The following CDH11 variants were observed in gnomAD, a reference collection of about 807,000 sequenced individuals.
The protein encoded by CDH11 is cadherin 11.
Under a neutral mutation model 67.8 loss-of-function variants are expected in CDH11, and 11 were observed. The observed-to-expected ratio is 0.16, with a 90% confidence interval of 0.10 to 0.27. The LOEUF (loss-of-function observed/expected upper bound fraction) is 0.27, where lower values mean the gene tolerates loss of function less well. Among genes scored for constraint, CDH11 ranks in the 10% least tolerant of loss-of-function variants. The pLI, the probability that CDH11 is intolerant of heterozygous loss-of-function variation, is 1.00. For synonymous variants in CDH11, 419 were observed against 400.0 expected, an observed-to-expected ratio of 1.05 and a Z score of -0.57; for missense variants, 847 against 1,031.2, an observed-to-expected ratio of 0.82 and a Z score of 2.45.
intron 8 of CDH11, among the ~76,000 whole-genome samples, chr16:64,973,456 G>A (rs1466151739): frequency 1.3e-5 from 2 of 152,134 alleles, no homozygotes; most frequent in Non-Finnish European, 2.9e-5. Flanking sequence ...ATCCGTTCAA[G>A]TGTATTTAAA....
At chr16:64,978,837 TAAAAAATGTGTAAA>T (rs2072249819) in intron 8 of CDH11, among the ~76,000 whole-genome samples, 2 of 152,108 alleles carry the variant, frequency 1.3e-5, no homozygotes, top group Non-Finnish European at 2.9e-5. Context: ...AGTTTATTTT[TAAAAAATGTGTAAA>T]TCATTCATGA....
At chr16:65,088,274 CTGT>C (rs2074736379) in intron 1 of CDH11, among the ~76,000 whole-genome samples, 1 of 152,166 alleles carries the variant, frequency 6.6e-6, no homozygotes, top group Non-Finnish European at 1.5e-5. Flanking sequence ...AATACATTTT[CTGT>C]TGTTTATAAA....
chr16:65,088,393 G>A (rs1384622444), intron 1 of CDH11, among the ~76,000 whole-genome samples: 1 of 152,128 alleles, frequency 6.6e-6, no homozygotes, highest in Non-Finnish European at 1.5e-5. Context: ...TAGTTGTCAT[G>A]CTAAAATGCT....
intron 2 of CDH11, among the ~76,000 whole-genome samples, chr16:65,049,496 C>T (rs909767849): frequency 5.3e-5 from 8 of 152,058 alleles, no homozygotes; most frequent in Admixed American, 1.3e-4. Context: ...GTCTTGGTGA[C>T]GTCAAACAAG....
Position 65,114,612 on chromosome 16 carries a change from G to A in CDH11, c.-298+7268C>T, listed in dbSNP as rs7206832. Among the ~76,000 whole-genome samples the A allele has an allele frequency of 9.2e-3, 1,396 of 152,124 alleles. 20 individuals are homozygous for A. The highest frequency in any genetic ancestry group is 0.028 in the African/African-American group (1,159 of 41,484). On this transcript the variant is annotated intron_variant, in intron 1 of 12. Coordinates refer to ENST00000268603, the MANE Select transcript of CDH11 (RefSeq NM_001797.4). ...TGTCTCTCTCTCCTTCCTTTTCCCC[G>A]GCAAACACAGACAGATATTCCCTTT...
chr16:64,957,191 A>G (rs941295772), intron 11 of CDH11, among the ~76,000 whole-genome samples: 4 of 151,940 alleles, frequency 2.6e-5, no homozygotes, highest in Admixed American at 1.3e-4. Flanking sequence ...TTCCTTACCA[A>G]TCCTTTTCCT....
chr16:64,999,434 C>T (rs1377512211), intron 3 of CDH11, among the ~76,000 whole-genome samples: 1 of 152,214 alleles, frequency 6.6e-6, no homozygotes, highest in Non-Finnish European at 1.5e-5. Context: ...TCATCCTTTT[C>T]CTCTAACAAT....
chr16:64,948,324 T>G (rs2142364463), intron 12 of CDH11, among the ~76,000 whole-genome samples: 1 of 152,264 alleles, frequency 6.6e-6, no homozygotes, highest in South Asian at 2.1e-4. Context: ...ACCCAACAAC[T>G]TGGCAGGTTG....
Position 64,982,063 on chromosome 16 carries a change from G to A in CDH11, c.1238C>T (p.Ala413Val). The A allele has an allele frequency of 1.2e-5, 19 of 1,612,624 alleles. No homozygotes were observed. Among genetic ancestry groups the A allele is most frequent in the Non-Finnish European group, 1.4e-5 (17 of 1,179,174 alleles). ...CCGTCTGTACCTTATCGGGCTGTTG[G>A]CAGCATCAGGGTCTTTGGCATGCAC... ...GRVHAKDPDA[A>V]NSPIRYSIDR... Residue 413 changes from alanine (A) to valine (V), a missense_variant, in exon 8 of 13, where the codon GCC (alanine) becomes GTC (valine). Physicochemically the swap from Ala to Val is moderately conservative, Grantham distance 64 (BLOSUM62 0). Transcript: ENST00000268603.
intron 1 of CDH11, among the ~76,000 whole-genome samples, chr16:65,106,224 T>C (rs2075063424): frequency 6.6e-6 from 1 of 152,218 alleles, no homozygotes; most frequent in South Asian, 2.1e-4. Context: ...AATCCTCTTA[T>C]TCTACCAAAG....
rs1247428216 is a variant in CDH11, at chr16:64,946,574, A to C, written c.*1029T>G. 2.4e-5 allele frequency: 25 copies of C among 1,033,986 alleles called. No homozygotes were observed. Among genetic ancestry groups the C allele is most frequent in the Non-Finnish European group, 2.9e-5 (25 of 859,394 alleles). 64.1% of individuals were successfully genotyped at this position (1,033,986 alleles called of 1,614,324 possible). On this transcript the variant is annotated 3_prime_UTR_variant, in exon 13 of 13. Transcript: ENST00000268603. Reference sequence around the variant, plus strand: ...GCCAGGAGGTTAACACCAAGAATGTACAAAAAAGCTTTACATGATGTTACA... The same window carrying C: ...GCCAGGAGGTTAACACCAAGAATGTCCAAAAAAGCTTTACATGATGTTACA...
chr16:65,121,956 G>A lies in CDH11; in HGVS notation c.-374C>T, dbSNP rs1350502538. The A allele has an allele frequency of 1.4e-6, 1 of 701,784 alleles. No individual in the cohort carries two copies. The highest frequency in any genetic ancestry group is 2.0e-5 in the Admixed American group (1 of 49,986). 43.5% of individuals were successfully genotyped at this position (701,784 alleles called of 1,614,324 possible). ...GGGCAAGCGCTGCGGTGTCAGTCCC[G>A]GCCCCAGTCCCGGTCCCATTCACAA... On this transcript the variant is annotated 5_prime_UTR_variant, in exon 1 of 13. Coordinates refer to ENST00000268603, the MANE Select transcript of CDH11 (RefSeq NM_001797.4). The surrounding 1 kb of genome is among the most constrained non-coding windows in gnomAD (Gnocchi z 4.1).
chr16:65,052,722 C>T (rs866419453), intron 2 of CDH11, among the ~76,000 whole-genome samples: 16 of 152,166 alleles, frequency 1.1e-4, no homozygotes, highest in African/African-American at 3.1e-4. Context: ...TAATGGATCA[C>T]GTTGGAGCTG....
At chr16:65,020,798 T>A (rs2073407842) in intron 2 of CDH11, among the ~76,000 whole-genome samples, 1 of 152,160 alleles carries the variant, frequency 6.6e-6, no homozygotes, top group South Asian at 2.1e-4. Context: ...CAAATACAAA[T>A]AGACAGAAGA....
Position 65,090,343 on chromosome 16 carries a change from T to C in CDH11, c.-298+31537A>G, listed in dbSNP as rs543847546. On this transcript the variant is annotated intron_variant, in intron 1 of 12. Coordinates refer to ENST00000268603, the MANE Select transcript of CDH11 (RefSeq NM_001797.4). ...AACTAACAATATTGTGTCTCTCAGT[T>C]GATTATGCTGGATACTTCATTCTGC... Among the ~76,000 whole-genome samples the C allele has an allele frequency of 3.0e-3, 458 of 152,264 alleles. 4 individuals carry two copies. The highest frequency in any genetic ancestry group is 0.011 in the African/African-American group (444 of 41,558).
At chr16:64,990,853 T>A (rs909989051) in intron 6 of CDH11, among the ~76,000 whole-genome samples, 4 of 152,204 alleles carry the variant, frequency 2.6e-5, no homozygotes, top group Non-Finnish European at 5.9e-5. Flanking sequence ...GTTGTCATTA[T>A]AAGATTTTAC....
At chr16:65,108,846 C>A (rs1004329737) in intron 1 of CDH11, among the ~76,000 whole-genome samples, 6 of 152,030 alleles carry the variant, frequency 3.9e-5, no homozygotes, top group Non-Finnish European at 5.9e-5. Flanking sequence ...GCAGGGATTA[C>A]CACATAGAAA....
At chr16:64,964,650 G>A (rs1355549634) in intron 11 of CDH11, among the ~76,000 whole-genome samples, 2 of 152,210 alleles carry the variant, frequency 1.3e-5, no homozygotes, top group African/African-American at 4.8e-5. Context: ...CCGGGTTCAC[G>A]TCATTCTCCT....
At chr16:64,966,183 A>T (rs2071821482) in intron 11 of CDH11, among the ~76,000 whole-genome samples, 1 of 152,134 alleles carries the variant, frequency 6.6e-6, no homozygotes, top group East Asian at 1.9e-4. Flanking sequence ...TAAGAAATGC[A>T]TGATACAAAA....
Sources: allele counts gnomAD v4.1 joint callset (sites outside exome capture counted in the v4.1 genomes callset), GRCh38; gene constraint gnomAD v4.1.1; non-coding constraint Gnocchi (gnomAD v3.1); transcripts MANE v1.5; gene names NCBI Gene and HGNC (gene_info 2026-07-23, HGNC 2026-07-21).